XG: variants seen among roughly 807,000 people sequenced by gnomAD.
XG encodes the protein glycoprotein Xg.
A neutral mutation model predicts 25.7 loss-of-function variants in XG; 24 were observed. That is an observed-to-expected ratio of 0.93 (90% CI 0.68 to 1.31). The LOEUF is 1.31. Among genes scored for constraint, XG ranks in the 40% most tolerant of loss-of-function variants. XG has a pLI of 0.00. For synonymous variants in XG, 77 were observed against 69.2 expected (o/e 1.11, Z -0.56); for missense variants, 181 against 187.6 (o/e 0.96, Z 0.21).
At chrX:2,801,464 C>T (rs952368955) in intron 7 of XG, among the ~76,000 whole-genome samples, 1 of 111,148 alleles carries the variant, frequency 9.0e-6, no homozygotes, top group Admixed American at 9.6e-5. Context: ...CAGACTGGTT[C>T]GATCAGGTAT....
intron 5 of XG, among the ~76,000 whole-genome samples, chrX:2,790,583 A>G (rs1460233375): frequency 9.0e-6 from 1 of 110,625 alleles, no homozygotes; most frequent in African/African-American, 3.3e-5. Flanking sequence ...CAGGCAGATC[A>G]CCTGAGGTCA....
rs893184785 is a variant in XG at position 2,813,787 on chromosome X, G to A, written c.572-577G>A. On this transcript the variant is annotated intron_variant, in intron 10 of 10. Coordinates refer to ENST00000644266, the MANE Select transcript of XG (RefSeq NM_001141919.2). Reference sequence around the variant, plus strand: ...TATAAAGACCAACAAGGCCATATTCGAAAAAAGAAGTTCCTACAAATATTA... The same window carrying A: ...TATAAAGACCAACAAGGCCATATTCAAAAAAAGAAGTTCCTACAAATATTA... 9.8e-5 allele frequency among the ~76,000 whole-genome samples: 11 copies of A among 112,089 alleles called. 1 individual carries two copies. Among genetic ancestry groups the A allele is most frequent in the Admixed American group, 5.7e-4 (6 of 10,584 alleles).
chrX:2,770,016 T>TGGGG (rs1201452154), intron 1 of XG, among the ~76,000 whole-genome samples: 1 of 45,586 alleles, frequency 2.2e-5, no homozygotes, highest in Non-Finnish European at 4.3e-5. Flanking sequence ...TGTGCGTGTG[T>TGGGG]GGAGGGGTGG....
intron 1 of XG, among the ~76,000 whole-genome samples, chrX:2,758,887 C>G (rs144964721): frequency 1.3e-5 from 2 of 152,270 alleles, no homozygotes; most frequent in Non-Finnish European, 2.9e-5. Flanking sequence ...CTATCTGTCT[C>G]TATTATATAC....
chrX:2,753,227 T>C (rs1403948600), intron 1 of XG, among the ~76,000 whole-genome samples: 1 of 152,160 alleles, frequency 6.6e-6, no homozygotes. Flanking sequence ...GTGGACATAG[T>C]CTAGGATCTG....
At chrX:2,782,568 GGTCA>G in intron 4 of XG, among the ~76,000 whole-genome samples, 1 of 111,029 alleles carries the variant, frequency 9.0e-6, no homozygotes, top group South Asian at 3.9e-4. Context: ...AGTGCTGACC[GGTCA>G]GGTTGGAAAG....
At chrX:2,774,422 C>CCCTGTA (rs1556366368) in intron 2 of XG, among the ~76,000 whole-genome samples, 4 of 151,174 alleles carry the variant, frequency 2.6e-5, no homozygotes, top group African/African-American at 9.8e-5. Flanking sequence ...CACCGTCCAG[C>CCCTGTA]CCTGTGGTGG....
chrX:2,797,455 T>A, intron 7 of XG, 95 bp downstream of exon 7: 1 of 970,263 alleles, frequency 1.0e-6, no homozygotes, highest in Non-Finnish European at 1.4e-6. Flanking sequence ...GCCTTCTACC[T>A]GGAGTCTTTG....
At chrX:2,797,399 TGGG>T in intron 7 of XG, 39 bp downstream of exon 7, 1 of 1,054,530 alleles carries the variant, frequency 9.5e-7, no homozygotes, top group Non-Finnish European at 1.3e-6. Flanking sequence ...GGGTGGAGGG[TGGG>T]AGGGGTCATC....
chrX:2,769,738 C>G lies in XG; in HGVS notation c.62-812C>G, dbSNP rs926767060. Among the ~76,000 whole-genome samples the G allele has an allele frequency of 5.9e-5, 9 of 152,312 alleles. 1 individual carries two copies. The highest frequency in any genetic ancestry group is 5.2e-4 in the Admixed American group (8 of 15,298). ...TGTGAATGTTCTCTTCTCTCTGCTG[C>G]AGACACATTCATTAGATTAACTGCT... On this transcript the variant is annotated intron_variant, in intron 1 of 10. Transcript: ENST00000644266.
At chrX:2,780,717 CA>C (rs768428145) in intron 3 of XG, among the ~76,000 whole-genome samples, 154 of 121,440 alleles carry the variant, frequency 1.3e-3, no homozygotes, top group African/African-American at 2.4e-3. Flanking sequence ...GACTCTGTCT[CA>C]AAAAAAAAAA....
intron 1 of XG, among the ~76,000 whole-genome samples, chrX:2,767,504 G>A (rs1343406279): frequency 1.3e-5 from 2 of 152,152 alleles, no homozygotes; most frequent in African/African-American, 4.8e-5. Context: ...TATAAGCAAA[G>A]CAAATCAGAA....
rs147531468 is a variant in XG at position 2,782,144 on chromosome X, C to T, written c.190+16C>T. 1.7e-3 allele frequency: 2,034 copies of T among 1,207,598 alleles called. 3 individuals carry two copies. The highest frequency in any genetic ancestry group is 6.0e-3 in the Middle Eastern group (26 of 4,349). On this transcript the variant is annotated intron_variant, in intron 4 of 10. Coordinates refer to ENST00000644266, the MANE Select transcript of XG (RefSeq NM_001141919.2). ...AGCGGTGGAAGTAAGAATCCGCAGGCCTGAAACTCTTTCTCAATCTGGTTT... is the reference window on the plus strand; with the variant it reads ...AGCGGTGGAAGTAAGAATCCGCAGGTCTGAAACTCTTTCTCAATCTGGTTT...
chrX:2,801,574 C>CTG (rs2086937776), intron 7 of XG, among the ~76,000 whole-genome samples: 1 of 111,600 alleles, frequency 9.0e-6, no homozygotes, highest in Admixed American at 9.6e-5. Flanking sequence ...CTGCTACTTA[C>CTG]TGTACATGGG....
At chrX:2,767,624 C>T (rs1405164669) in intron 1 of XG, among the ~76,000 whole-genome samples, 6 of 152,268 alleles carry the variant, frequency 3.9e-5, no homozygotes, top group African/African-American at 9.6e-5. Flanking sequence ...CCAGAGTTAG[C>T]GTTGTCTACC....
chrX:2,762,168 G>A (rs1417729690), intron 1 of XG, among the ~76,000 whole-genome samples: 1 of 152,150 alleles, frequency 6.6e-6, no homozygotes, highest in Non-Finnish European at 1.5e-5. Context: ...AGTTTTCCTT[G>A]CACCAAAGAT....
At position 2,752,186 on chromosome X, in the gene XG, G is replaced by A. The variant is rs1193168435; in HGVS notation, c.-89G>A. ...CCCTTCCTTCCAAGCTGGGAGACCA[G>A]AAGTCAACAACAGGAGGGTGGAGAG... On this transcript the variant is annotated 5_prime_UTR_variant, in exon 1 of 11. Transcript: ENST00000644266. The A allele has an allele frequency of 2.0e-5, 32 of 1,592,044 alleles. No individual in the cohort carries two copies. The highest frequency in any genetic ancestry group is 2.6e-5 in the Non-Finnish European group (30 of 1,166,874).
chrX:2,775,978 GAA>G (rs1437936516), intron 3 of XG, among the ~76,000 whole-genome samples: 1 of 142,864 alleles, frequency 7.0e-6, no homozygotes, highest in Non-Finnish European at 1.5e-5. Flanking sequence ...AAAAAGAAAA[GAA>G]AAGAAAAGAA....
chrX:2,763,950 G>A, intron 1 of XG, among the ~76,000 whole-genome samples: 1 of 152,190 alleles, frequency 6.6e-6, no homozygotes, highest in East Asian at 1.9e-4. Flanking sequence ...TGTAAAATGA[G>A]GCCGAGAGCT....
Sources: allele counts gnomAD v4.1 joint callset (sites outside exome capture counted in the v4.1 genomes callset), GRCh38; gene constraint gnomAD v4.1.1; transcripts MANE v1.5; gene names NCBI Gene and HGNC (gene_info 2026-07-23, HGNC 2026-07-21).